The following PPP2R5E variants were observed in gnomAD, a reference collection of about 807,000 sequenced individuals.
The protein encoded by PPP2R5E is serine/threonine-protein phosphatase 2A 56 kDa regulatory subunit epsilon isoform.
A neutral mutation model predicts 65.3 loss-of-function variants in PPP2R5E; 4 were observed. The ratio of observed to expected loss-of-function variants is 0.06; its 90% confidence interval spans 0.03 to 0.14. The LOEUF (loss-of-function observed/expected upper bound fraction) is 0.14, where lower values mean the gene tolerates loss of function less well. Among genes scored for constraint, PPP2R5E ranks in the 10% least tolerant of loss-of-function variants. PPP2R5E has a pLI of 1.00. For synonymous variants in PPP2R5E, 183 were observed against 187.4 expected (o/e 0.98, Z 0.19); for missense variants, 274 against 556.1 (o/e 0.49, Z 5.10).
chr14:63,485,424 G>T (rs1890936140), intron 2 of PPP2R5E, among the ~76,000 whole-genome samples: 1 of 152,014 alleles, frequency 6.6e-6, no homozygotes, highest in Admixed American at 6.6e-5. Context: ...TTTTTGGGGG[G>T]TTTTTTTGAG....
chr14:63,444,945 A>T (rs1353580196), intron 3 of PPP2R5E, among the ~76,000 whole-genome samples: 2 of 152,248 alleles, frequency 1.3e-5, no homozygotes, highest in Non-Finnish European at 2.9e-5. Flanking sequence ...TACTTTGCAC[A>T]ATGGCCTGTA....
intron 10 of PPP2R5E, 70 bp downstream of exon 10, chr14:63,391,746 CT>C (rs1885036765): frequency 5.9e-6 from 9 of 1,520,876 alleles, no homozygotes; most frequent in Non-Finnish European, 8.2e-6. Context: ...TTTATACATG[CT>C]TAGCCCAATC....
chr14:63,452,168 A>ACTAT (rs1594890517), intron 3 of PPP2R5E: 1 of 152,228 alleles, frequency 6.6e-6, no homozygotes, highest in East Asian at 1.9e-4. Flanking sequence ...ATATTCATGA[A>ACTAT]CTATCCATGG....
chr14:63,458,358 A>T (rs1054918774), intron 2 of PPP2R5E, among the ~76,000 whole-genome samples: 1 of 152,208 alleles, frequency 6.6e-6, no homozygotes, highest in Non-Finnish European at 1.5e-5. Context: ...GCACATAATC[A>T]TGGATCCAAT....
At chr14:63,400,072 A>G (rs781361569) in intron 5 of PPP2R5E, among the ~76,000 whole-genome samples, 6 of 152,216 alleles carry the variant, frequency 3.9e-5, no homozygotes, top group Non-Finnish European at 5.9e-5. Flanking sequence ...GACAGGACAC[A>G]ATTTTTAGCT....
Position 63,539,695 on chromosome 14 carries a change from G to T in PPP2R5E, c.-7-3C>A. Reference sequence around the variant, plus strand: ...TTGGTGCTGAGGACATATCCCTACTGAAGAGAAAGAAGTATCATAAACCCA... The same window carrying T: ...TTGGTGCTGAGGACATATCCCTACTTAAGAGAAAGAAGTATCATAAACCCA... On this transcript the variant is annotated splice_polypyrimidine_tract_variant and splice_region_variant and intron_variant, in intron 1 of 13. Coordinates refer to ENST00000337537, the MANE Select transcript of PPP2R5E (RefSeq NM_006246.5). The T allele has an allele frequency of 6.2e-7, 1 of 1,610,918 alleles. No individual in the cohort carries two copies. The highest frequency in any genetic ancestry group is 8.5e-7 in the Non-Finnish European group (1 of 1,177,864).
intron 2 of PPP2R5E, among the ~76,000 whole-genome samples, chr14:63,511,414 C>T (rs2139698457): frequency 6.6e-6 from 1 of 152,252 alleles, no homozygotes; most frequent in Admixed American, 6.5e-5. Context: ...TGAGACTATC[C>T]ATCTGACGGG....
At chr14:63,382,479 G>A (rs1000682321) in intron 12 of PPP2R5E, among the ~76,000 whole-genome samples, 2 of 149,794 alleles carry the variant, frequency 1.3e-5, no homozygotes, top group African/African-American at 4.9e-5. Flanking sequence ...TTGGCTCACC[G>A]CAACCTCCGC....
chr14:63,463,205 T>C (rs1367308042), intron 2 of PPP2R5E, among the ~76,000 whole-genome samples: 1 of 150,152 alleles, frequency 6.7e-6, no homozygotes, highest in Non-Finnish European at 1.5e-5. Flanking sequence ...AATGGCACAA[T>C]CTCTGCTCAC....
chr14:63,446,895 T>C (rs1005962639), intron 3 of PPP2R5E, among the ~76,000 whole-genome samples: 3 of 151,720 alleles, frequency 2.0e-5, no homozygotes, highest in Non-Finnish European at 2.9e-5. Context: ...ATTAGAGCTC[T>C]TGGGTAACAA....
intron 3 of PPP2R5E, among the ~76,000 whole-genome samples, chr14:63,433,282 C>A (rs971366310): frequency 6.6e-6 from 1 of 152,040 alleles, no homozygotes; most frequent in African/African-American, 2.4e-5. Flanking sequence ...AGGCAATCCA[C>A]CTGCCTCGGC....
Position 63,542,966 on chromosome 14 carries a change from C to T in PPP2R5E, c.-195G>A, listed in dbSNP as rs1371549684. ...CTCCGGTTCCGCGGCGGCGGAGCCT[C>T]TAGGCCTCACGGCCGGACCCGAACC... On this transcript the variant is annotated 5_prime_UTR_variant, in exon 1 of 14. Transcript: ENST00000337537. 2.0e-5 allele frequency: 3 copies of T among 152,976 alleles called. No homozygotes were observed. The Admixed American group carries it at 2.0e-4, about 10-fold the overall frequency. 9.5% of individuals were successfully genotyped at this position (152,976 alleles called of 1,614,324 possible).
At position 63,373,240 on chromosome 14, in the gene PPP2R5E, T is replaced by G. The variant is rs1190085879; in HGVS notation, c.*2769A>C. ...GTTGGAGTGATCATCACTCACTAAC[T>G]ACAATATTTGCTATTTAAAAAATAT... On this transcript the variant is annotated 3_prime_UTR_variant, in exon 14 of 14. Coordinates refer to ENST00000337537, the MANE Select transcript of PPP2R5E (RefSeq NM_006246.5). 1 of 152,226 alleles carries G rather than the reference T, an allele frequency of 6.6e-6. No individual in the cohort carries two copies. Among genetic ancestry groups the G allele is most frequent in the Non-Finnish European group, 1.5e-5 (1 of 68,048 alleles). The allele number at this position is 152,226 out of a possible 1,614,324, so 9.4% of individuals were successfully genotyped here. A position where few individuals can be genotyped will look rare whatever the true frequency, so the allele number is the denominator to read the frequency against.
chr14:63,450,641 T>C (rs1489179872), intron 3 of PPP2R5E, among the ~76,000 whole-genome samples: 3 of 152,184 alleles, frequency 2.0e-5, no homozygotes, highest in Non-Finnish European at 4.4e-5. Context: ...GAGGAATTCA[T>C]TCATTCAACA....
chr14:63,483,272 C>T (rs1226822525), intron 2 of PPP2R5E, among the ~76,000 whole-genome samples: 3 of 152,044 alleles, frequency 2.0e-5, no homozygotes, highest in Admixed American at 2.0e-4. Flanking sequence ...AAACAGAATG[C>T]ACTCGCAGAC....
chr14:63,454,446 A>C (rs1252045700), intron 2 of PPP2R5E, among the ~76,000 whole-genome samples: 1 of 152,124 alleles, frequency 6.6e-6, no homozygotes, highest in African/African-American at 2.4e-5. Flanking sequence ...AACAATACCA[A>C]CTCTCTCAAA....
chr14:63,410,244 G>T (rs1189488776), intron 5 of PPP2R5E, among the ~76,000 whole-genome samples: 1 of 152,100 alleles, frequency 6.6e-6, no homozygotes, highest in East Asian at 1.9e-4. Context: ...ATAGAAATCT[G>T]CCCAAAGAAA....
intron 2 of PPP2R5E, among the ~76,000 whole-genome samples, chr14:63,489,304 C>T (rs1306518757): frequency 1.3e-5 from 2 of 152,090 alleles, no homozygotes. Flanking sequence ...CTCACATACC[C>T]TCACTCAACA....
intron 2 of PPP2R5E, among the ~76,000 whole-genome samples, chr14:63,534,757 C>A (rs1042126720): frequency 6.6e-6 from 1 of 152,118 alleles, no homozygotes; most frequent in Non-Finnish European, 1.5e-5. Context: ...GTAGCTGGGA[C>A]CACAGGTGTA....
Sources: gnomAD v4.1 joint callset for allele counts (sites outside exome capture counted in the v4.1 genomes callset) on GRCh38, gnomAD v4.1.1 for gene constraint, MANE v1.5 for transcripts, NCBI Gene and HGNC (gene_info 2026-07-23, HGNC 2026-07-21) for gene names.